Variants in ZP3 observed in about 807,000 individuals in gnomAD.
The protein encoded by ZP3 is zona pellucida glycoprotein 3.
In ZP3, 21 loss-of-function variants were observed where a neutral mutation model predicts 35.6. That is an observed-to-expected ratio of 0.59 (90% CI 0.42 to 0.85). The LOEUF is 0.85. Ranked by LOEUF, ZP3 falls within the 40% of genes least tolerant of loss-of-function variation. ZP3 has a pLI of 0.00. For synonymous variants in ZP3, 207 were observed against 214.5 expected (o/e 0.96, Z 0.31); for missense variants, 437 against 536.5 (o/e 0.81, Z 1.83).
intron 5 of ZP3, among the ~76,000 whole-genome samples, chr7:76,436,399 G>A (rs1299594569): frequency 6.6e-6 from 1 of 152,088 alleles, no homozygotes; most frequent in Non-Finnish European, 1.5e-5. Flanking sequence ...ATTCTACTTG[G>A]AAATGCATCA....
upstream of ZP3, among the ~76,000 whole-genome samples, chr7:76,422,578 C>T (rs530392948): frequency 6.6e-5 from 10 of 151,104 alleles, no homozygotes; most frequent in Non-Finnish European, 1.3e-4. Context: ...ACTCAGGAGG[C>T]TGAGGGAGGA....
At chr7:76,412,764 G>A (rs984584850) in intron 1 of ZP3, among the ~76,000 whole-genome samples, 1 of 151,480 alleles carries the variant, frequency 6.6e-6, no homozygotes, top group Non-Finnish European at 1.5e-5. Context: ...CAGGAGAATC[G>A]CTTGAACCCG....
At chr7:76,410,725 T>G (rs1805219652) in intron 1 of ZP3, among the ~76,000 whole-genome samples, 1 of 151,842 alleles carries the variant, frequency 6.6e-6, no homozygotes, top group Non-Finnish European at 1.5e-5. Context: ...CCAGGCGAGG[T>G]GGCTCATACC....
At chr7:76,421,051 T>C (rs189141484), upstream of ZP3, among the ~76,000 whole-genome samples, 2 of 152,048 alleles carry the variant, frequency 1.3e-5, no homozygotes, top group Non-Finnish European at 2.9e-5. Context: ...TTCTCTTGCC[T>C]CAGCCTCCTG....
In ZP3 at chr7:76,426,728, G is replaced by A. The variant is rs949598575; in HGVS notation, c.312+1452G>A. On this transcript the variant is annotated intron_variant, in intron 1 of 7. Coordinates refer to ENST00000394857, the MANE Select transcript of ZP3 (RefSeq NM_001110354.2). ...TTTTGTTGTTGTTTTTGTTTTTTGA[G>A]ACAGTTTTGCTCTTATTGCCCAGGC... Among the ~76,000 whole-genome samples the A allele has an allele frequency of 4.0e-5, 6 of 151,864 alleles. No individual in the cohort carries two copies. In the East Asian group the frequency reaches 1.2e-3, roughly 29 times the overall value.
intron 1 of ZP3, among the ~76,000 whole-genome samples, chr7:76,419,139 A>G (rs546768458): frequency 1.3e-5 from 2 of 152,328 alleles, no homozygotes; most frequent in African/African-American, 2.4e-5. Context: ...AGAATAAGCA[A>G]TAAATGGTCA....
chr7:76,433,076 C>T, intron 3 of ZP3, 46 bp downstream of exon 3: 1 of 1,413,554 alleles, frequency 7.1e-7, no homozygotes, highest in Non-Finnish European at 9.7e-7. Flanking sequence ...AGACCTGGGC[C>T]ATCTCAGACC....
chr7:76,415,516 CAG>C (rs1213596965), intron 1 of ZP3, among the ~76,000 whole-genome samples: 1 of 150,716 alleles, frequency 6.6e-6, no homozygotes, highest in Non-Finnish European at 1.5e-5. Context: ...TTTTTTGAGA[CAG>C]AGTCTCGCTT....
At chr7:76,433,374 C>T (rs935607694) in intron 3 of ZP3, 96 bp from the exon 4 acceptor site, 23 of 1,385,390 alleles carry the variant, frequency 1.7e-5, no homozygotes, top group Middle Eastern at 2.6e-4. Context: ...AGGCTGGTCT[C>T]GAACTCCTGA....
At chr7:76,412,485 T>C (rs1805272642) in intron 1 of ZP3, among the ~76,000 whole-genome samples, 1 of 152,214 alleles carries the variant, frequency 6.6e-6, no homozygotes, top group African/African-American at 2.4e-5. Flanking sequence ...TTGTATATGA[T>C]AAAATAACAG....
chr7:76,435,725 C>T (rs1275241412), intron 5 of ZP3, among the ~76,000 whole-genome samples: 1 of 142,494 alleles, frequency 7.0e-6, no homozygotes, highest in African/African-American at 2.6e-5. Context: ...TAGGTTCTAC[C>T]ACCAGCATTT....
At chr7:76,432,408 T>C (rs1805857869) in intron 2 of ZP3, among the ~76,000 whole-genome samples, 1 of 152,062 alleles carries the variant, frequency 6.6e-6, no homozygotes, top group African/African-American at 2.4e-5. Context: ...ATGGTCTCGA[T>C]CTCCTGACCT....
At chr7:76,429,462 G>C in intron 1 of ZP3, 53 bp from the exon 2 acceptor site, 1 of 1,570,632 alleles carries the variant, frequency 6.4e-7, no homozygotes, top group South Asian at 1.1e-5. Flanking sequence ...TATGGCTTGG[G>C]AGTACCCGGG....
At chr7:76,411,288 C>T (rs1424011629) in intron 1 of ZP3, among the ~76,000 whole-genome samples, 1 of 152,078 alleles carries the variant, frequency 6.6e-6, no homozygotes, top group African/African-American at 2.4e-5. Flanking sequence ...AAACAGTGGC[C>T]AGGAGTAGTG....
At chr7:76,422,565 G>C (rs577469966), upstream of ZP3, among the ~76,000 whole-genome samples, 18 of 151,776 alleles carry the variant, frequency 1.2e-4, no homozygotes, top group East Asian at 2.3e-3. Context: ...TGTAATCCCA[G>C]CTACTCAGGA....
chr7:76,433,124 T>TTTGGTTGGTTTTGGTTGGTTTTCG, intron 3 of ZP3, 94 bp downstream of exon 3: 1 of 672,478 alleles, frequency 1.5e-6, no homozygotes, highest in East Asian at 2.8e-5. Context: ...TTTGTTTGGT[T>TTTGGTTGGTTTTGGTTGGTTTTCG]TTGGTTTTGG....
Position 76,440,304 on chromosome 7 carries a change from C to G in ZP3, c.886C>G (p.Leu296Val). 1 of 1,610,650 alleles carries G rather than the reference C, an allele frequency of 6.2e-7. No individual in the cohort carries two copies. The highest frequency in any genetic ancestry group is 8.5e-7 in the Non-Finnish European group (1 of 1,178,674). Residue 296 changes from leucine to valine, a missense_variant, in exon 6 of 8, where the codon CTC becomes GTC. By Grantham distance (32) the Leu-to-Val change is conservative (BLOSUM62 1). Transcript: ENST00000394857. ...CCTAGCTGAGCAGGACCCAGATGAACTCAACAAGGCCTGTTCCTTCAGCAA... is the reference window on the plus strand; with the variant it reads ...CCTAGCTGAGCAGGACCCAGATGAAGTCAACAAGGCCTGTTCCTTCAGCAA... ...VTLAEQDPDE[L>V]NKACSFSKPS...
At chr7:76,420,506 T>C, upstream of ZP3, among the ~76,000 whole-genome samples, 1 of 152,208 alleles carries the variant, frequency 6.6e-6, no homozygotes, top group East Asian at 1.9e-4. Context: ...TCCATGAACA[T>C]GGAATACCTC....
In ZP3 at chr7:76,398,309, A is replaced by T. The variant is rs1035674867; in HGVS notation, c.-67+512A>T. 4.0e-3 allele frequency among the ~76,000 whole-genome samples: 509 copies of T among 127,150 alleles called. 1 individual carries two copies. The highest frequency in any genetic ancestry group is 6.1e-3 in the Non-Finnish European group (362 of 59,656). 83.4% of individuals were successfully genotyped at this position (127,150 alleles called of 152,430 possible). A position where few individuals can be genotyped will look rare whatever the true frequency, so the allele number is the denominator to read the frequency against. ...CAGTCTCACCGCCCATTCATTTTCTATTTTTTTTTTTTTTTTTTGAGACAG... is the reference window on the plus strand; with the variant it reads ...CAGTCTCACCGCCCATTCATTTTCTTTTTTTTTTTTTTTTTTTTGAGACAG... On this transcript the variant is annotated intron_variant, in intron 1 of 8. Transcript: ENST00000336517.
Sources: gnomAD v4.1 joint callset for allele counts (sites outside exome capture counted in the v4.1 genomes callset) on GRCh38, gnomAD v4.1.1 for gene constraint, MANE v1.5 for transcripts, NCBI Gene and HGNC (gene_info 2026-07-23, HGNC 2026-07-21) for gene names.